ANKRD11: variants seen among roughly 807,000 people sequenced by gnomAD.
ANKRD11 encodes the protein ankyrin repeat domain 11, also known as ankyrin repeat domain-containing protein 11.
Under a neutral mutation model 195.7 loss-of-function variants are expected in ANKRD11, and 17 were observed. That is an observed-to-expected ratio of 0.09 (90% CI 0.06 to 0.13). ANKRD11 has a LOEUF of 0.13. ANKRD11 is among the 10% of genes least tolerant of loss of function. The probability of loss-of-function intolerance (pLI) is 1.00; values close to 1 mark genes in which losing one functional copy is unlikely to be tolerated. For synonymous variants in ANKRD11, 1,953 were observed against 1,528.1 expected (o/e 1.28, Z -6.49); for missense variants, 3,735 against 3,566.1 (o/e 1.05, Z -1.21).
chr16:89,279,311 T>C lies in ANKRD11; in HGVS notation c.7231A>G (p.Ile2411Val), dbSNP rs532817153. The C allele has an allele frequency of 3.7e-6, 6 of 1,611,910 alleles. No individual in the cohort carries two copies. In the Admixed American group the frequency reaches 6.7e-5, roughly 18 times the overall value. ...ACGATGGCGGCCAGCGTCTGCTGGA[T>C]CACCTCCCGCGTCTGCTGCGTGGAC... is the stretch of plus-strand genomic sequence containing the variant. ...NTSTQQTREVIQQTLAAIVDA... is the reference protein window; with the variant it reads ...NTSTQQTREVVQQTLAAIVDA... The change falls in exon 9 of 13, where the codon ATC (isoleucine) becomes GTC (valine). Residue 2411 changes from isoleucine to valine, a missense_variant. Transcript: ENST00000301030. The surrounding 1 kb of genome is among the most constrained non-coding windows in gnomAD (Gnocchi z 5.6).
chr16:89,338,910 AT>A (rs1253446623), intron 2 of ANKRD11, among the ~76,000 whole-genome samples: 1 of 152,158 alleles, frequency 6.6e-6, no homozygotes, highest in Non-Finnish European at 1.5e-5. Context: ...TAACAAAAAA[AT>A]CACCCAGATA....
intron 3 of ANKRD11, among the ~76,000 whole-genome samples, chr16:89,313,921 G>A (rs1453643985): frequency 1.3e-5 from 2 of 152,208 alleles, no homozygotes; most frequent in African/African-American, 4.8e-5. Context: ...TTTACTGTGA[G>A]TAGTTGGAAA....
At chr16:89,398,484 T>A (rs2041557505) in intron 2 of ANKRD11, among the ~76,000 whole-genome samples, 1 of 152,028 alleles carries the variant, frequency 6.6e-6, no homozygotes, top group African/African-American at 2.4e-5. Flanking sequence ...TCTGGAAGGC[T>A]GACATGAGGA....
intron 2 of ANKRD11, among the ~76,000 whole-genome samples, chr16:89,336,109 C>T (rs982567843): frequency 6.6e-6 from 1 of 152,230 alleles, no homozygotes; most frequent in African/African-American, 2.4e-5. Flanking sequence ...TGATCGTTTT[C>T]AGCCACACGG....
intron 7 of ANKRD11, chr16:89,286,741 G>A: frequency 7.8e-7 from 1 of 1,286,446 alleles, no homozygotes; most frequent in African/African-American, 1.5e-5. Context: ...AAGGGTAAGG[G>A]TGGTCACATG....
At chr16:89,336,022 G>A (rs1173371066) in intron 2 of ANKRD11, among the ~76,000 whole-genome samples, 3 of 152,266 alleles carry the variant, frequency 2.0e-5, no homozygotes, top group African/African-American at 7.2e-5. Context: ...AAATAAAGAA[G>A]TGATGGCCAA....
intron 1 of ANKRD11, among the ~76,000 whole-genome samples, chr16:89,483,230 C>T (rs1450663998): frequency 6.6e-6 from 1 of 152,156 alleles, no homozygotes; most frequent in African/African-American, 2.4e-5. Context: ...CAGATTTTCT[C>T]CTCAACTCTC....
At chr16:89,288,050 T>G (rs2034774676) in intron 7 of ANKRD11, 3 of 552,442 alleles carry the variant, frequency 5.4e-6, no homozygotes, top group Non-Finnish European at 9.6e-6. Context: ...GGCTGAGACC[T>G]CTCAGTGCCC....
At chr16:89,385,864 G>C (rs774805024) in intron 2 of ANKRD11, among the ~76,000 whole-genome samples, 2 of 152,228 alleles carry the variant, frequency 1.3e-5, no homozygotes, top group African/African-American at 4.8e-5. Context: ...CTCGCCAAGA[G>C]CTCCATTTGT....
intron 7 of ANKRD11, chr16:89,286,946 A>G: frequency 7.8e-7 from 1 of 1,289,746 alleles, no homozygotes; most frequent in Non-Finnish European, 1.0e-6. Flanking sequence ...TCGCCCACAG[A>G]ATCAGTTTCC....
At position 89,458,374 on chromosome 16, in the gene ANKRD11, G is replaced by A. The variant is rs555707418; in HGVS notation, c.-145+31871C>T. On this transcript the variant is annotated intron_variant, in intron 1 of 12. Transcript: ENST00000301030. ...TGAGTAGCTGGGACTACAGGCGCCC[G>A]CCACCACGCCCGGCTAATTTTTTGT... 1.5e-3 allele frequency among the ~76,000 whole-genome samples: 221 copies of A among 152,074 alleles called. No homozygotes were observed. In the Middle Eastern group the frequency reaches 0.024, roughly 16 times the overall value.
At chr16:89,295,433 C>A (rs1401888032) in intron 4 of ANKRD11, among the ~76,000 whole-genome samples, 2 of 152,220 alleles carry the variant, frequency 1.3e-5, no homozygotes, top group African/African-American at 2.4e-5. Context: ...ACCTCGCCAG[C>A]CCTCTGAGGC....
chr16:89,350,465 A>G (rs187855641), intron 2 of ANKRD11, among the ~76,000 whole-genome samples: 12 of 152,318 alleles, frequency 7.9e-5, no homozygotes, highest in African/African-American at 2.6e-4. Context: ...TCTACCCCCT[A>G]AAAAGCTACT....
At chr16:89,323,206 C>T in intron 2 of ANKRD11, 1 of 858,474 alleles carries the variant, frequency 1.2e-6, no homozygotes, top group Non-Finnish European at 1.7e-6. Flanking sequence ...GAGAAGTCTC[C>T]AACGGACTGA....
chr16:89,280,365 G>A lies in ANKRD11; in HGVS notation c.6177C>T (p.Pro2059=), dbSNP rs748478065. The part of the protein sequence containing the change: ...STSEAAPYAP[P]SGLESFFSNC... ...TGCTGAAGAAGGACTCCAGCCCGGA[G>A]GGAGGGGCGTAGGGAGCCGCCTCTG... is the stretch of plus-strand genomic sequence containing the variant. The change falls in exon 9 of 13, where the codon CCC becomes CCT. Residue 2059 remains proline (P), a synonymous_variant. Coordinates refer to ENST00000301030, the MANE Select transcript of ANKRD11 (RefSeq NM_013275.6). The A allele has an allele frequency of 1.6e-5, 25 of 1,568,658 alleles. No individual in the cohort carries two copies. The East Asian group carries it at 2.5e-4, about 16-fold the overall frequency.
At chr16:89,483,323 A>C (rs1212330501) in intron 1 of ANKRD11, among the ~76,000 whole-genome samples, 3 of 152,250 alleles carry the variant, frequency 2.0e-5, no homozygotes, top group Non-Finnish European at 4.4e-5. Flanking sequence ...TTTAAAAGCC[A>C]GTCATCTGGT....
intron 1 of ANKRD11, among the ~76,000 whole-genome samples, chr16:89,475,143 C>G (rs78306804): frequency 1.3e-5 from 2 of 152,284 alleles, no homozygotes; most frequent in East Asian, 3.9e-4. Flanking sequence ...CAGAGAAAGG[C>G]TGGGGAGCTC....
intron 2 of ANKRD11, among the ~76,000 whole-genome samples, chr16:89,410,674 A>C (rs915722962): frequency 2.6e-5 from 4 of 152,228 alleles, no homozygotes; most frequent in Non-Finnish European, 5.9e-5. Context: ...TATTTTTCCT[A>C]ATAAATAAAT....
At chr16:89,386,186 A>G (rs1385756053) in intron 2 of ANKRD11, among the ~76,000 whole-genome samples, 2 of 152,252 alleles carry the variant, frequency 1.3e-5, no homozygotes, top group African/African-American at 4.8e-5. Flanking sequence ...CTTTTAATGT[A>G]AGTTTAAAAC....
Sources: gnomAD v4.1 joint callset for allele counts (sites outside exome capture counted in the v4.1 genomes callset) on GRCh38, gnomAD v4.1.1 for gene constraint, Gnocchi (gnomAD v3.1) non-coding constraint, MANE v1.5 for transcripts, NCBI Gene and HGNC (gene_info 2026-07-23, HGNC 2026-07-21) for gene names.